The following SEZ6L2 variants were observed in gnomAD, a reference collection of about 807,000 sequenced individuals.
SEZ6L2 encodes the protein seizure related 6 homolog like 2.
In SEZ6L2, 44 loss-of-function variants were observed where a neutral mutation model predicts 97.0. The ratio of observed to expected loss-of-function variants is 0.45; its 90% CI spans 0.36 to 0.58. SEZ6L2 has a LOEUF of 0.58. Among genes scored for constraint, SEZ6L2 ranks in the 20% least tolerant of loss-of-function variants. The probability of loss-of-function intolerance (pLI) is 0.00; values close to 1 mark genes in which losing one functional copy is unlikely to be tolerated. For synonymous variants in SEZ6L2, 543 were observed against 546.1 expected (o/e 0.99, Z 0.08); for missense variants, 1,086 against 1,233.3 (o/e 0.88, Z 1.79).
At chr16:29,895,158 G>A (rs1236820726) in intron 5 of SEZ6L2, 101 bp downstream of exon 5, 14 of 1,046,652 alleles carry the variant, frequency 1.3e-5, no homozygotes, top group Admixed American at 7.1e-5. Context: ...CAGTCTGGGC[G>A]ACAGAGCAAG....
Position 29,872,758 on chromosome 16 carries a change from G to GGGGGAGGGGATGGGGTCTGAGCC in SEZ6L2, c.2489-38_2489-16dup. 6.2e-7 allele frequency: 1 copy of GGGGGAGGGGATGGGGTCTGAGCC among 1,609,312 alleles called. No individual in the cohort carries two copies. Among genetic ancestry groups the GGGGGAGGGGATGGGGTCTGAGCC allele is most frequent in the Non-Finnish European group, 8.5e-7 (1 of 1,178,056 alleles). ...CTCATAGGCAACTGCAGGGAGAGGA[G>GGGGGAGGGGATGGGGTCTGAGCC]GGGGAGGGGATGGGGTCTGAGCCAG... On this transcript the variant is annotated splice_polypyrimidine_tract_variant and intron_variant, in intron 14 of 17. Coordinates refer to ENST00000617533, the MANE Select transcript of SEZ6L2 (RefSeq NM_001243332.2).
In SEZ6L2 at chr16:29,895,354, T is replaced by G; in HGVS notation, c.758A>C (p.Glu253Ala). ...RLLANSSMLG[E>A]GQVLRSPTNR... is the part of the protein sequence containing the mutation. Reference sequence around the variant, plus strand: ...GGTTGGGCTCCGAAGGACTTGTCCTTCTCCAAGCATGGATGAGTTGGCCAG... The same window carrying G: ...GGTTGGGCTCCGAAGGACTTGTCCTGCTCCAAGCATGGATGAGTTGGCCAG... The change falls in exon 5 of 18, where the codon GAA becomes GCA. Residue 253 changes from glutamate (E) to alanine (A), a missense_variant. By Grantham distance (107) the Glu-to-Ala change is moderately radical. This residue lies in a region of SEZ6L2 where 776 missense variants were observed against 794.7 expected (regional missense o/e 0.98). Coordinates refer to ENST00000617533, the MANE Select transcript of SEZ6L2 (RefSeq NM_001243332.2). 1 of 1,614,036 alleles carries G rather than the reference T, an allele frequency of 6.2e-7. No homozygotes were observed.
intron 5 of SEZ6L2, among the ~76,000 whole-genome samples, chr16:29,893,856 C>A (rs1474202250): frequency 6.6e-6 from 1 of 152,064 alleles, no homozygotes; most frequent in Non-Finnish European, 1.5e-5. Context: ...CTGTGTACCA[C>A]ACGCTGTTTG....
chr16:29,889,299 C>T (rs1014686453), intron 5 of SEZ6L2, among the ~76,000 whole-genome samples: 1 of 151,990 alleles, frequency 6.6e-6, no homozygotes, highest in African/African-American at 2.4e-5. Context: ...ATTAGCCAGG[C>T]GTGGTGGTGG....
Position 29,899,197 on chromosome 16 carries a change from C to T in SEZ6L2, c.-178G>A. The T allele has an allele frequency of 1.8e-6, 1 of 566,272 alleles. No individual in the cohort carries two copies. 35.1% of individuals were successfully genotyped at this position (566,272 alleles called of 1,614,324 possible). ...CTTGGGATGGAGGGGCAGAATTGGG[C>T]TAGGGGTCGCCTGGAGCCCACCCCC... is the stretch of plus-strand genomic sequence containing the variant. On this transcript the variant is annotated 5_prime_UTR_variant, in exon 1 of 18. Transcript: ENST00000617533.
chr16:29,879,788 T>C, intron 9 of SEZ6L2, 76 bp downstream of exon 9: 1 of 1,339,884 alleles, frequency 7.5e-7, no homozygotes, highest in Non-Finnish European at 1.0e-6. Flanking sequence ...CCTTCCTTTC[T>C]GAACGGCCTT....
At chr16:29,878,467 T>C (rs779487337) in intron 9 of SEZ6L2, 42 bp from the exon 10 acceptor site, 1 of 1,545,726 alleles carries the variant, frequency 6.5e-7, no homozygotes, top group Non-Finnish European at 8.8e-7. Context: ...CAGGTGGGCA[T>C]GCTGTCTTCA....
Position 29,873,793 on chromosome 16 carries a change from G to A in SEZ6L2, c.2105-64C>T. 2 of 1,417,702 alleles carry A rather than the reference G, an allele frequency of 1.4e-6. No individual in the cohort carries two copies. The highest frequency in any genetic ancestry group is 1.4e-5 in the African/African-American group (1 of 70,228). 87.8% of individuals were successfully genotyped at this position (1,417,702 alleles called of 1,614,324 possible). A position where few individuals can be genotyped will look rare whatever the true frequency, so the allele number is the denominator to read the frequency against. ...TTCAAAGATCAGCCTGGGCAACACA[G>A]AGAGACCCCATCTCTACAAAAAATT... is the stretch of plus-strand genomic sequence containing the variant. On this transcript the variant is annotated intron_variant, in intron 12 of 17. Coordinates refer to ENST00000617533, the MANE Select transcript of SEZ6L2 (RefSeq NM_001243332.2). The surrounding 1 kb of genome is among the most constrained non-coding windows in gnomAD (Gnocchi z 4.3).
At position 29,871,359 on chromosome 16, in the gene SEZ6L2, A is replaced by C; in HGVS notation, c.*340T>G. 1.8e-5 allele frequency: 7 copies of C among 398,816 alleles called. No individual in the cohort carries two copies. Among genetic ancestry groups the C allele is most frequent in the Middle Eastern group, 7.5e-4 (1 of 1,340 alleles). The allele number at this position is 398,816 out of a possible 1,614,324, so 24.7% of individuals were successfully genotyped here. On this transcript the variant is annotated 3_prime_UTR_variant, in exon 18 of 18. Coordinates refer to ENST00000617533, the MANE Select transcript of SEZ6L2 (RefSeq NM_001243332.2). ...GGGGGGCACCTTCGTGGCCAAGGGA[A>C]CAGTAGAGCTATCGGGGGCAGTCCT...
intron 9 of SEZ6L2, 151 bp from the exon 10 acceptor site, chr16:29,878,576 A>AT (rs887620432): frequency 3.6e-6 from 2 of 550,498 alleles, no homozygotes; most frequent in African/African-American, 3.9e-5. Flanking sequence ...CTTTTATTTT[A>AT]TTTATTTATT....
At chr16:29,884,240 G>A (rs956840522) in intron 8 of SEZ6L2, among the ~76,000 whole-genome samples, 1 of 152,082 alleles carries the variant, frequency 6.6e-6, no homozygotes, top group Non-Finnish European at 1.5e-5. Context: ...CGCCTCTCCT[G>A]GCATTTTTGC....
In SEZ6L2 at chr16:29,897,039, C is replaced by G. The variant is rs111761573; in HGVS notation, c.294G>C (p.Pro98=). ...AVPSLPRATE[P]GTGPLTTAVT... The stretch of plus-strand genomic sequence containing the variant: ...CGGCTGTTGTCAGAGGCCCTGTCCC[C>G]GGCTCAGTGGCCCGTGGCAGGGAGG... Residue 98 remains proline (P), a synonymous_variant, in exon 3 of 18, where the codon CCG becomes CCC. Coordinates refer to ENST00000617533, the MANE Select transcript of SEZ6L2 (RefSeq NM_001243332.2). The G allele has an allele frequency of 6.3e-7, 1 of 1,580,472 alleles. No individual in the cohort carries two copies. Among genetic ancestry groups the G allele is most frequent in the Non-Finnish European group, 8.5e-7 (1 of 1,169,820 alleles).
intron 5 of SEZ6L2, among the ~76,000 whole-genome samples, chr16:29,889,614 C>CT (rs869108927): frequency 0.032 from 2,249 of 70,484 alleles, 459 homozygotes; most frequent in Middle Eastern, 0.052. Context: ...CTTGAAACTT[C>CT]TTTTTTTTTT....
At chr16:29,889,809 G>A (rs1212110724) in intron 5 of SEZ6L2, among the ~76,000 whole-genome samples, 4 of 150,588 alleles carry the variant, frequency 2.7e-5, no homozygotes, top group African/African-American at 9.8e-5. Context: ...TAAATTTTTT[G>A]TAGAGATGAC....
chr16:29,895,111 A>G (rs2068352134), intron 5 of SEZ6L2, 148 bp downstream of exon 5: 4 of 675,164 alleles, frequency 5.9e-6, no homozygotes, highest in Non-Finnish European at 9.9e-6. Context: ...CCTGGGAGGC[A>G]GAGCTTGCAG....
chr16:29,891,968 G>A (rs139562532), intron 5 of SEZ6L2, among the ~76,000 whole-genome samples: 5 of 152,188 alleles, frequency 3.3e-5, no homozygotes, highest in South Asian at 2.1e-4. Context: ...CCAGGGACTC[G>A]GGGATCTGTT....
At chr16:29,878,615 C>A (rs982628765) in intron 9 of SEZ6L2, among the ~76,000 whole-genome samples, 190 bp from the exon 10 acceptor site, 6 of 151,766 alleles carry the variant, frequency 4.0e-5, no homozygotes, top group Non-Finnish European at 8.8e-5. Context: ...GAGACGGAGT[C>A]TCTCTGTCGC....
chr16:29,888,664 G>T lies in SEZ6L2; in HGVS notation c.915C>A (p.Asp305Glu), dbSNP rs2068200287. The T allele has an allele frequency of 6.2e-7, 1 of 1,613,846 alleles. No individual in the cohort carries two copies. Among genetic ancestry groups the T allele is most frequent in the Non-Finnish European group, 8.5e-7 (1 of 1,179,944 alleles). ...RPAHGDVSVT[D>E]LHPGGTATFH... ...AGGTGGCAGTGCCCCCAGGGTGCAG[G>T]TCCGTCACACTCACGTCCCCATGGG... Residue 305 changes from aspartate to glutamate, a missense_variant, in exon 6 of 18, where the codon GAC (aspartate) becomes GAA (glutamate). By Grantham distance (45) the Asp-to-Glu change is conservative. This residue lies in a region of SEZ6L2 where 776 missense variants were observed against 794.7 expected (regional missense o/e 0.98). Coordinates refer to ENST00000617533, the MANE Select transcript of SEZ6L2 (RefSeq NM_001243332.2).
chr16:29,890,977 T>A (rs565749333), intron 5 of SEZ6L2, among the ~76,000 whole-genome samples: 28 of 152,030 alleles, frequency 1.8e-4, no homozygotes, highest in Middle Eastern at 3.4e-3. Context: ...AGTATTGCTC[T>A]GTCACCCAGG....
Sources: allele counts gnomAD v4.1 joint callset (sites outside exome capture counted in the v4.1 genomes callset), GRCh38; gene constraint gnomAD v4.1.1; regional missense constraint gnomAD v4.1.1; non-coding constraint Gnocchi (gnomAD v3.1); transcripts MANE v1.5; gene names NCBI Gene and HGNC (gene_info 2026-07-23, HGNC 2026-07-21).